Variants in CYP19A1 observed in about 807,000 individuals in gnomAD.
CYP19A1 encodes aromatase.
Under a neutral mutation model 44.4 loss-of-function variants are expected in CYP19A1, and 32 were observed. The ratio of observed to expected loss-of-function variants is 0.72; its 90% CI spans 0.54 to 0.97. The LOEUF (loss-of-function observed/expected upper bound fraction) is 0.97. CYP19A1 is among the 50% of genes least tolerant of loss of function. CYP19A1 has a pLI of 0.00. For synonymous variants in CYP19A1, 212 were observed against 215.6 expected (o/e 0.98, Z 0.14); for missense variants, 598 against 637.8 (o/e 0.94, Z 0.67).
Position 51,236,932 on chromosome 15 carries a change from T to C in CYP19A1, c.223A>G (p.Asn75Asp). Residue 75 changes from asparagine to aspartate, a missense_variant, in exon 3 of 10, where the codon AAC becomes GAC. Asn to Asp is a conservative substitution (Grantham distance 23). Transcript: ENST00000396402. ...FLWMGIGSAC[N>D]YYNRVYGEFM... Reference sequence around the variant, plus strand: ...TCTCCATATACCCGGTTGTAGTAGTTGCAGGCACTGCCGATCCCCATCCAC... The same window carrying C: ...TCTCCATATACCCGGTTGTAGTAGTCGCAGGCACTGCCGATCCCCATCCAC... 1 of 1,614,180 alleles carries C rather than the reference T, an allele frequency of 6.2e-7. No homozygotes were observed. Among genetic ancestry groups the C allele is most frequent in the Non-Finnish European group, 8.5e-7 (1 of 1,180,024 alleles).
intron 1 of CYP19A1, among the ~76,000 whole-genome samples, chr15:51,267,876 C>G (rs2034986635): frequency 6.6e-6 from 1 of 152,176 alleles, no homozygotes; most frequent in African/African-American, 2.4e-5. Flanking sequence ...GCTTAGCAGG[C>G]GAGAGCACTG....
intron 1 of CYP19A1, among the ~76,000 whole-genome samples, chr15:51,305,442 A>C (rs1262067689): frequency 6.6e-6 from 1 of 152,174 alleles, no homozygotes; most frequent in Admixed American, 6.5e-5. Context: ...CCACAGAGAC[A>C]GGGATGTGGG....
intron 9 of CYP19A1, chr15:51,211,612 A>T (rs2141031966): frequency 9.6e-6 from 4 of 418,810 alleles, no homozygotes; most frequent in South Asian, 6.9e-5. Flanking sequence ...ACATAGCATT[A>T]TCTGGATTGC....
At chr15:51,244,596 C>A (rs1595714783) in intron 1 of CYP19A1, among the ~76,000 whole-genome samples, 2 of 152,276 alleles carry the variant, frequency 1.3e-5, no homozygotes, top group South Asian at 4.1e-4. Context: ...AATTTGACAT[C>A]ATTCTGAGTA....
chr15:51,317,021 G>C (rs1460266404), intron 1 of CYP19A1, among the ~76,000 whole-genome samples: 1 of 152,142 alleles, frequency 6.6e-6, no homozygotes, highest in African/African-American at 2.4e-5. Context: ...GAGGGAGCAT[G>C]GGTCCCCAAC....
At chr15:51,221,298 A>C (rs1344310637) in intron 5 of CYP19A1, 1 of 152,180 alleles carries the variant, frequency 6.6e-6, no homozygotes, top group Non-Finnish European at 1.5e-5. Flanking sequence ...TACCTTATGC[A>C]CAGACTACTA....
chr15:51,282,321 T>C (rs1355982017), intron 1 of CYP19A1, among the ~76,000 whole-genome samples: 1 of 152,208 alleles, frequency 6.6e-6, no homozygotes, highest in African/African-American at 2.4e-5. Context: ...GCTCAGTGCA[T>C]AAAACCCCTC....
intron 1 of CYP19A1, among the ~76,000 whole-genome samples, chr15:51,327,837 A>G (rs1285456468): frequency 6.6e-6 from 1 of 152,214 alleles, no homozygotes; most frequent in East Asian, 1.9e-4. Context: ...ACCCATAGAT[A>G]ATATATCTAC....
intron 1 of CYP19A1, among the ~76,000 whole-genome samples, chr15:51,303,540 G>T (rs1377583968): frequency 6.6e-6 from 1 of 151,680 alleles, no homozygotes; most frequent in Non-Finnish European, 1.5e-5. Flanking sequence ...TGCCAAGTAG[G>T]AGATGTAGGT....
intron 1 of CYP19A1, among the ~76,000 whole-genome samples, chr15:51,287,931 A>G (rs912123065): frequency 8.5e-5 from 13 of 152,360 alleles, no homozygotes; most frequent in African/African-American, 3.1e-4. Context: ...GATATGCATA[A>G]GCTAAAGAGT....
chr15:51,334,177 T>C (rs1211015845), intron 1 of CYP19A1, among the ~76,000 whole-genome samples: 2 of 152,202 alleles, frequency 1.3e-5, no homozygotes, highest in Non-Finnish European at 2.9e-5. Context: ...CCCTGCTCTA[T>C]TGTTTCACTT....
intron 1 of CYP19A1, among the ~76,000 whole-genome samples, chr15:51,333,189 C>T (rs553796111): frequency 6.6e-5 from 10 of 152,296 alleles, no homozygotes; most frequent in South Asian, 6.2e-4. Context: ...AAGAGCATTG[C>T]TGTGCCCCCT....
intron 1 of CYP19A1, among the ~76,000 whole-genome samples, chr15:51,256,428 G>T (rs1425924745): frequency 6.6e-6 from 1 of 152,184 alleles, no homozygotes; most frequent in East Asian, 1.9e-4. Flanking sequence ...TTGGGGAATT[G>T]GTGGATGTAT....
At chr15:51,290,840 C>G (rs2035826970) in intron 1 of CYP19A1, among the ~76,000 whole-genome samples, 1 of 152,178 alleles carries the variant, frequency 6.6e-6, no homozygotes, top group Non-Finnish European at 1.5e-5. Context: ...CTAGTGCTGC[C>G]CTGGCTTTTA....
At chr15:51,325,864 A>G (rs1053966325) in intron 1 of CYP19A1, among the ~76,000 whole-genome samples, 4 of 131,098 alleles carry the variant, frequency 3.1e-5, no homozygotes, top group Non-Finnish European at 6.5e-5. Flanking sequence ...AAAAAAAAAA[A>G]GGGCATTGAG....
intron 1 of CYP19A1, among the ~76,000 whole-genome samples, chr15:51,267,941 C>A (rs1200780065): frequency 1.3e-5 from 2 of 152,174 alleles, no homozygotes; most frequent in Admixed American, 1.3e-4. Flanking sequence ...CGCCTTCGCC[C>A]CTCCCCACCC....
chr15:51,313,148 G>A (rs1312720269), intron 1 of CYP19A1: 1 of 152,254 alleles, frequency 6.6e-6, no homozygotes, highest in African/African-American at 2.4e-5. Context: ...GTCTCTGTGA[G>A]TGTGATGATT....
chr15:51,218,170 A>G (rs2031749014), intron 6 of CYP19A1, among the ~76,000 whole-genome samples: 1 of 152,184 alleles, frequency 6.6e-6, no homozygotes, highest in Admixed American at 6.5e-5. Flanking sequence ...ACAACTATAA[A>G]TTGATTCTGT....
intron 4 of CYP19A1, 87 bp downstream of exon 4, chr15:51,227,692 A>G: frequency 2.7e-6 from 1 of 375,594 alleles, no homozygotes; most frequent in Non-Finnish European, 4.8e-6. Flanking sequence ...ATAAATAAAT[A>G]AATAAATAAA....
Sources: gnomAD v4.1 joint callset for allele counts (sites outside exome capture counted in the v4.1 genomes callset) on GRCh38, gnomAD v4.1.1 for gene constraint, MANE v1.5 for transcripts, NCBI Gene and HGNC (gene_info 2026-07-23, HGNC 2026-07-21) for gene names.